PUDP: variants seen among roughly 807,000 people sequenced by gnomAD.
PUDP encodes pseudouridine 5'-phosphatase.
PUDP carries 8 observed loss-of-function variants against 9.4 expected under a neutral mutation model. The observed-to-expected ratio is 0.85, with a 90% CI of 0.50 to 1.53. The LOEUF is 1.53. PUDP is among the 40% of genes most tolerant of loss of function. The probability of loss-of-function intolerance (pLI) is 0.00; values close to 1 mark genes in which losing one functional copy is unlikely to be tolerated. For missense variants in PUDP, 188 were observed against 189.7 expected, an observed-to-expected ratio of 0.99 and a Z score of 0.05; for synonymous variants, 99 against 80.7, an observed-to-expected ratio of 1.23 and a Z score of -1.22.
At chrX:7,031,875 C>T (rs905694956) in intron 1 of PUDP, among the ~76,000 whole-genome samples, 4 of 111,715 alleles carry the variant, frequency 3.6e-5, no homozygotes, top group African/African-American at 1.3e-4. Flanking sequence ...GACAAAGACT[C>T]CTTCTACAAA....
chrX:7,086,452 C>A (rs965561555), intron 2 of PUDP, among the ~76,000 whole-genome samples: 5 of 111,861 alleles, frequency 4.5e-5, no homozygotes, highest in Admixed American at 2.8e-4. Flanking sequence ...AAAATGGAAC[C>A]ATCACTTACA....
chrX:6,882,511 G>A (rs188119856), intron 3 of PUDP, among the ~76,000 whole-genome samples: 11 of 111,209 alleles, frequency 9.9e-5, no homozygotes, highest in East Asian at 2.8e-4. Flanking sequence ...AACCATTTTC[G>A]GGGGGGCTAC....
chrX:6,754,595 T>G (rs1004249380), intron 3 of PUDP, among the ~76,000 whole-genome samples: 2 of 108,316 alleles, frequency 1.8e-5, no homozygotes, highest in Non-Finnish European at 3.8e-5. Flanking sequence ...ATATTAGAAA[T>G]TATGATATTG....
chrX:6,983,739 G>T (rs1273691779), intron 1 of PUDP, among the ~76,000 whole-genome samples: 1 of 112,235 alleles, frequency 8.9e-6, no homozygotes, highest in Non-Finnish European at 1.9e-5. Context: ...AATAGAATCT[G>T]GAGGCAAGAA....
At chrX:6,799,810 T>C (rs1298948453) in intron 3 of PUDP, among the ~76,000 whole-genome samples, 1 of 110,692 alleles carries the variant, frequency 9.0e-6, no homozygotes, top group Non-Finnish European at 1.9e-5. Flanking sequence ...CACTCCAGCC[T>C]GGACAACAAG....
chrX:7,024,900 T>A (rs1469966192), intron 1 of PUDP, among the ~76,000 whole-genome samples: 1 of 109,307 alleles, frequency 9.1e-6, no homozygotes, highest in Non-Finnish European at 1.9e-5. Context: ...CGACATAACC[T>A]AGCCTTCTTT....
At chrX:7,065,933 A>C (rs767387149) in intron 3 of PUDP, among the ~76,000 whole-genome samples, 1 of 112,468 alleles carries the variant, frequency 8.9e-6, no homozygotes, top group African/African-American at 3.2e-5. Context: ...GTGGTACTAC[A>C]TTAAATGAGA....
At chrX:6,747,804 T>C in intron 3 of PUDP, among the ~76,000 whole-genome samples, 1 of 108,380 alleles carries the variant, frequency 9.2e-6, no homozygotes, top group South Asian at 3.8e-4. Flanking sequence ...TCAGTAATTG[T>C]CCAGAGTTTA....
intron 3 of PUDP, among the ~76,000 whole-genome samples, chrX:6,862,370 A>G (rs2084373229): frequency 8.9e-6 from 1 of 112,081 alleles, no homozygotes; most frequent in Non-Finnish European, 1.9e-5. Context: ...GAATACCACC[A>G]TCTCCTACAC....
At chrX:6,992,428 G>A (rs1039410702) in intron 1 of PUDP, among the ~76,000 whole-genome samples, 2 of 103,844 alleles carry the variant, frequency 1.9e-5, no homozygotes, top group Non-Finnish European at 4.0e-5. Flanking sequence ...GCCCGCCACC[G>A]TGCCCGGCTA....
intron 3 of PUDP, among the ~76,000 whole-genome samples, chrX:7,068,538 G>A (rs757593264): frequency 8.0e-5 from 9 of 112,111 alleles, no homozygotes; most frequent in African/African-American, 2.6e-4. Flanking sequence ...CTCAATTCAG[G>A]AAGGGAAGAA....
chrX:6,988,866 G>A (rs150216825), intron 1 of PUDP, among the ~76,000 whole-genome samples: 14 of 111,375 alleles, frequency 1.3e-4, no homozygotes, highest in African/African-American at 4.6e-4. Flanking sequence ...TCCAGCCTTT[G>A]TATAAGGACA....
At chrX:7,097,352 G>A (rs916052389) in intron 2 of PUDP, among the ~76,000 whole-genome samples, 4 of 111,900 alleles carry the variant, frequency 3.6e-5, no homozygotes, top group African/African-American at 1.3e-4. Flanking sequence ...CTGTATAGAA[G>A]CAAACTCACT....
chrX:7,069,397 A>G (rs1216673248), intron 3 of PUDP, among the ~76,000 whole-genome samples: 2 of 111,070 alleles, frequency 1.8e-5, no homozygotes, highest in East Asian at 5.7e-4. Context: ...ACACGGACGT[A>G]AGGCTACTCG....
rs377297691 is a variant in PUDP at position 6,864,086 on chromosome X, G to A, written c.*247+113047C>T. Among the ~76,000 whole-genome samples the A allele has an allele frequency of 4.1e-3, 456 of 111,490 alleles. 4 individuals carry two copies. The highest frequency in any genetic ancestry group is 0.014 in the African/African-American group (429 of 30,690). On this transcript the variant is annotated intron_variant and NMD_transcript_variant, in intron 3 of 3. Transcript: ENST00000655425. ...CACCATATTGGGTCATTCAAGACCA[G>A]CTTATCTTGTGGGGGATCTTGGTGG...
chrX:6,999,491 T>C (rs1301716521), intron 1 of PUDP, among the ~76,000 whole-genome samples: 1 of 112,013 alleles, frequency 8.9e-6, no homozygotes, highest in African/African-American at 3.2e-5. Flanking sequence ...CATAAAATAG[T>C]AATGAAAATT....
At chrX:7,013,501 AT>A (rs770951840) in intron 1 of PUDP, among the ~76,000 whole-genome samples, 2 of 112,433 alleles carry the variant, frequency 1.8e-5, no homozygotes, top group East Asian at 5.6e-4. Context: ...TGTCATGGGA[AT>A]AAGTTGTCAG....
intron 1 of PUDP, chrX:7,113,093 G>C (rs758800361): frequency 1.8e-5 from 2 of 112,948 alleles, no homozygotes; most frequent in East Asian, 5.6e-4. Flanking sequence ...TGGGGCAGCA[G>C]TGGAGGGGCA....
chrX:7,090,508 T>C (rs1569157191), intron 2 of PUDP, among the ~76,000 whole-genome samples: 1 of 112,003 alleles, frequency 8.9e-6, no homozygotes, highest in Non-Finnish European at 1.9e-5. Flanking sequence ...CAATTTGATA[T>C]ACCAACATGC....
Sources: allele counts gnomAD v4.1 joint callset (sites outside exome capture counted in the v4.1 genomes callset), GRCh38; gene constraint gnomAD v4.1.1; transcripts MANE v1.5; gene names NCBI Gene and HGNC (gene_info 2026-07-23, HGNC 2026-07-21).